The following NSD2 variants were observed in gnomAD, a reference collection of about 807,000 sequenced individuals.
The protein encoded by NSD2 is histone-lysine N-methyltransferase NSD2.
Under a neutral mutation model 139.0 loss-of-function variants are expected in NSD2, and 12 were observed. The observed-to-expected ratio is 0.09, with a 90% CI of 0.06 to 0.14. The LOEUF is 0.14. NSD2 is among the 10% of genes least tolerant of loss of function. NSD2 has a pLI of 1.00. For missense variants in NSD2, 1,155 were observed against 1,745.0 expected, an observed-to-expected ratio of 0.66 and a Z score of 6.02; for synonymous variants, 669 against 648.7, an observed-to-expected ratio of 1.03 and a Z score of -0.48.
intron 9 of NSD2, chr4:1,944,647 T>C (rs1723434505): frequency 9.4e-7 from 1 of 1,062,866 alleles, no homozygotes; most frequent in African/African-American, 1.6e-5. Flanking sequence ...TCCATTGTAA[T>C]AGGGTGGCAT....
At chr4:1,951,872 TC>T (rs1349319172) in intron 10 of NSD2, 5 of 554,854 alleles carry the variant, frequency 9.0e-6, no homozygotes, top group African/African-American at 7.6e-5. Context: ...TCCTGTTACT[TC>T]CTTTGCCATT....
intron 1 of NSD2, among the ~76,000 whole-genome samples, chr4:1,880,493 A>G (rs548738983): frequency 1.3e-5 from 2 of 152,286 alleles, no homozygotes; most frequent in African/African-American, 2.4e-5. Flanking sequence ...TTGTGTGCCA[A>G]TGATGAGCCA....
At position 1,956,888 on chromosome 4, in the gene NSD2, C is replaced by T. The variant is rs1407192059; in HGVS notation, c.2881+700C>T. ...CGCGTATTTAAAGCTTGGTTAGCTC[C>T]ATGCTGCCAGAAGCTTTGCAGGCTG... On this transcript the variant is annotated intron_variant, in intron 15 of 21. Transcript: ENST00000508803. The surrounding 1 kb of genome is among the most constrained non-coding windows in gnomAD (Gnocchi z 5.3). Among the ~76,000 whole-genome samples the T allele has an allele frequency of 6.6e-6, 1 of 152,234 alleles. No individual in the cohort carries two copies.
rs1726879180 is a variant in NSD2 at position 1,974,677 on chromosome 4, G to T, written c.3373-186G>T. ...GGTCCTCTCCACGTGGTCCTGACCT[G>T]TCCTCTGTGAGCAAGAGAAACAGGA... On this transcript the variant is annotated intron_variant, in intron 18 of 21. Transcript: ENST00000508803. This position sits in a 1 kb window ranked among gnomAD's most constrained non-coding sequence, Gnocchi z 4.0. 3.4e-6 allele frequency: 3 copies of T among 878,572 alleles called. No individual in the cohort carries two copies. The highest frequency in any genetic ancestry group is 5.7e-6 in the Non-Finnish European group (3 of 525,486). 54.4% of individuals were successfully genotyped at this position (878,572 alleles called of 1,614,324 possible). A position where few individuals can be genotyped will look rare whatever the true frequency, so the allele number is the denominator to read the frequency against.
intron 6 of NSD2, among the ~76,000 whole-genome samples, chr4:1,934,115 C>T (rs543657308): frequency 2.0e-5 from 3 of 147,642 alleles, no homozygotes; most frequent in Admixed American, 6.8e-5. Context: ...GACAGAGTTT[C>T]GTTCTTGTTG....
chr4:1,951,682 C>T (rs938247903), intron 10 of NSD2, among the ~76,000 whole-genome samples: 3 of 152,192 alleles, frequency 2.0e-5, no homozygotes, highest in East Asian at 1.9e-4. Context: ...GCTTCAGTCC[C>T]GCCCCATCTG....
intron 5 of NSD2, among the ~76,000 whole-genome samples, chr4:1,927,414 ACT>A (rs566784220): frequency 2.3e-4 from 35 of 152,132 alleles, no homozygotes; most frequent in Admixed American, 1.9e-3. Flanking sequence ...GCAAAAGAAA[ACT>A]CTAAAAAGAT....
intron 1 of NSD2, among the ~76,000 whole-genome samples, chr4:1,880,244 A>C (rs1714603493): frequency 1.3e-5 from 2 of 152,142 alleles, no homozygotes; most frequent in African/African-American, 4.8e-5. Flanking sequence ...CACAGCAGGA[A>C]ATTGAATCCC....
chr4:1,896,687 T>C (rs904434026), intron 1 of NSD2, among the ~76,000 whole-genome samples: 1 of 142,982 alleles, frequency 7.0e-6, no homozygotes, highest in Non-Finnish European at 1.5e-5. Flanking sequence ...CCTCCCTTCC[T>C]TCCCGAACTC....
chr4:1,942,598 C>A lies in NSD2; in HGVS notation c.1881+2820C>A. 7.6e-7 allele frequency: 1 copy of A among 1,312,980 alleles called. No individual in the cohort carries two copies. The highest frequency in any genetic ancestry group is 2.0e-5 in the South Asian group (1 of 50,996). 81.3% of individuals were successfully genotyped at this position (1,312,980 alleles called of 1,614,324 possible). On this transcript the variant is annotated intron_variant, in intron 9 of 21. Transcript: ENST00000508803. The surrounding 1 kb of genome is among the most constrained non-coding windows in gnomAD (Gnocchi z 4.0). Reference sequence around the variant, plus strand: ...AACTAATCAAGGCCATTTAATCCGTCACATTCATCTCATAATAGAAACACG... The same window carrying A: ...AACTAATCAAGGCCATTTAATCCGTAACATTCATCTCATAATAGAAACACG...
intron 1 of NSD2, among the ~76,000 whole-genome samples, chr4:1,894,844 T>C (rs1716039777): frequency 6.6e-6 from 1 of 152,152 alleles, no homozygotes; most frequent in African/African-American, 2.4e-5. Flanking sequence ...AGTTCTATGG[T>C]CTTAAGTGCA....
In NSD2 at chr4:1,972,167, T is replaced by C. The variant is rs1386385021; in HGVS notation, c.3373-2696T>C. Among the ~76,000 whole-genome samples, 1 of 152,212 alleles carries C rather than the reference T, an allele frequency of 6.6e-6. No homozygotes were observed. The highest frequency in any genetic ancestry group is 1.5e-5 in the Non-Finnish European group (1 of 68,038). On this transcript the variant is annotated intron_variant, in intron 18 of 21. Coordinates refer to ENST00000508803, the MANE Select transcript of NSD2 (RefSeq NM_001042424.3). The surrounding 1 kb of genome is among the most constrained non-coding windows in gnomAD (Gnocchi z 4.0). ...GAGGCCAGGTCCACAGGTTTTCCCC[T>C]GCCCTCCTCATGTATGCAGAGCCAC...
intron 1 of NSD2, among the ~76,000 whole-genome samples, chr4:1,891,040 C>T (rs886732547): frequency 2.0e-5 from 3 of 151,842 alleles, no homozygotes; most frequent in Non-Finnish European, 4.4e-5. Flanking sequence ...ACCACAGGCA[C>T]ATGCCACCAC....
At chr4:1,921,248 A>G (rs1720076982) in intron 5 of NSD2, among the ~76,000 whole-genome samples, 1 of 152,164 alleles carries the variant, frequency 6.6e-6, no homozygotes. Context: ...ACTTGAGGTC[A>G]GGAATTCAAG....
chr4:1,895,955 C>G (rs370925712), intron 1 of NSD2, among the ~76,000 whole-genome samples: 6 of 152,244 alleles, frequency 3.9e-5, no homozygotes, highest in African/African-American at 1.4e-4. Flanking sequence ...CACAGACACT[C>G]ACCTGGTGAT....
chr4:1,904,556 C>T (rs1717634612), intron 3 of NSD2, among the ~76,000 whole-genome samples, 178 bp downstream of exon 3: 1 of 152,176 alleles, frequency 6.6e-6, no homozygotes, highest in African/African-American at 2.4e-5. Flanking sequence ...ATATTCAACT[C>T]AAATATGTAC....
chr4:1,878,232 T>G (rs1464536445), intron 1 of NSD2, among the ~76,000 whole-genome samples: 155 of 35,216 alleles, frequency 4.4e-3, no homozygotes, highest in Non-Finnish European at 7.6e-3. Flanking sequence ...GGCTGATATA[T>G]ATATATATAT....
chr4:1,970,735 G>A (rs1253092052), intron 18 of NSD2, among the ~76,000 whole-genome samples: 1 of 152,140 alleles, frequency 6.6e-6, no homozygotes, highest in East Asian at 1.9e-4. Context: ...GAGGGAGGGG[G>A]TCCAGGCTGA....
At chr4:1,883,241 G>A (rs1714836203) in intron 1 of NSD2, among the ~76,000 whole-genome samples, 2 of 152,120 alleles carry the variant, frequency 1.3e-5, no homozygotes, top group African/African-American at 4.8e-5. Flanking sequence ...ACAAGAGAAA[G>A]CCCATTAAGA....
Sources: allele counts gnomAD v4.1 joint callset (sites outside exome capture counted in the v4.1 genomes callset), GRCh38; gene constraint gnomAD v4.1.1; non-coding constraint Gnocchi (gnomAD v3.1); transcripts MANE v1.5; gene names NCBI Gene and HGNC (gene_info 2026-07-23, HGNC 2026-07-21).